The following TTC39C variants were observed in gnomAD, a reference collection of about 807,000 sequenced individuals.
The protein encoded by TTC39C is tetratricopeptide repeat domain 39C.
A neutral mutation model predicts 76.3 loss-of-function variants in TTC39C; 33 were observed. That is an observed-to-expected ratio of 0.43 (90% CI 0.33 to 0.58). The LOEUF (loss-of-function observed/expected upper bound fraction) is 0.58, where lower values mean the gene tolerates loss of function less well. Ranked by LOEUF, TTC39C falls within the 20% of genes least tolerant of loss-of-function variation. TTC39C has a pLI of 0.04. For missense variants in TTC39C, 595 were observed against 701.4 expected, an observed-to-expected ratio of 0.85 and a Z score of 1.71; for synonymous variants, 254 against 260.6, an observed-to-expected ratio of 0.97 and a Z score of 0.24.
intron 1 of TTC39C, chr18:24,022,807 C>T: frequency 2.0e-6 from 2 of 985,384 alleles, no homozygotes; most frequent in African/African-American, 1.7e-5. Flanking sequence ...CTTGTCCCTT[C>T]CATGCTAGTT....
intron 3 of TTC39C, among the ~76,000 whole-genome samples, chr18:24,068,097 T>G (rs973748154): frequency 6.6e-6 from 1 of 152,218 alleles, no homozygotes; most frequent in Non-Finnish European, 1.5e-5. Context: ...GAATGAAAGC[T>G]TATTTACATG....
chr18:23,994,210 A>G (rs1006299968), intron 1 of TTC39C: 3 of 151,156 alleles, frequency 2.0e-5, no homozygotes, highest in African/African-American at 7.3e-5. Context: ...ACAAATAGAT[A>G]TGTTTTCCTC....
intron 1 of TTC39C, among the ~76,000 whole-genome samples, chr18:24,044,440 A>T (rs1006977429): frequency 6.6e-6 from 1 of 152,210 alleles, no homozygotes; most frequent in African/African-American, 2.4e-5. Context: ...GTGGCTGGTC[A>T]AGGACCAGTG....
intron 6 of TTC39C, among the ~76,000 whole-genome samples, chr18:24,107,051 C>T (rs2084752637): frequency 6.6e-6 from 1 of 152,122 alleles, no homozygotes; most frequent in African/African-American, 2.4e-5. Flanking sequence ...GTTTCCGTTT[C>T]TATTCTTTTC....
chr18:24,030,849 T>G (rs2083660302), intron 1 of TTC39C, among the ~76,000 whole-genome samples: 2 of 152,148 alleles, frequency 1.3e-5, no homozygotes, highest in African/African-American at 4.8e-5. Context: ...TTTCGCCATG[T>G]TGGCCAGCCT....
At chr18:24,061,847 T>G (rs980267539) in intron 1 of TTC39C, among the ~76,000 whole-genome samples, 32 of 152,286 alleles carry the variant, frequency 2.1e-4, no homozygotes, top group African/African-American at 7.7e-4. Flanking sequence ...GATGTTGCAG[T>G]GAGCCAAGAT....
intron 7 of TTC39C, among the ~76,000 whole-genome samples, chr18:24,115,793 G>T (rs2084884006): frequency 6.6e-6 from 1 of 152,254 alleles, no homozygotes; most frequent in Non-Finnish European, 1.5e-5. Flanking sequence ...TTAAAAAGAG[G>T]AAATGATGTA....
chr18:24,107,895 G>GGC lies in TTC39C; in HGVS notation c.985-6658_985-6657insCG, dbSNP rs58236332. Among the ~76,000 whole-genome samples, 21 of 151,302 alleles carry GGC rather than the reference G, an allele frequency of 1.4e-4. No individual in the cohort carries two copies. In the South Asian group the frequency reaches 1.5e-3, roughly 11 times the overall value. ...CACCACAGCCTCCCAAGTAGGGGGGGGGGTACAGGCATGTGCCACCAAGCC... is the reference window on the plus strand; with the variant it reads ...CACCACAGCCTCCCAAGTAGGGGGGGGCGGGTACAGGCATGTGCCACCAAGCC... On this transcript the variant is annotated intron_variant, in intron 6 of 13. Transcript: ENST00000317571.
At chr18:24,050,400 T>C (rs979181382) in intron 1 of TTC39C, among the ~76,000 whole-genome samples, 3 of 151,654 alleles carry the variant, frequency 2.0e-5, no homozygotes, top group Admixed American at 6.6e-5. Context: ...CGGAATCCTG[T>C]CTCTACTAAA....
intron 1 of TTC39C, among the ~76,000 whole-genome samples, chr18:24,045,440 T>C (rs935306947): frequency 6.6e-6 from 1 of 152,162 alleles, no homozygotes; most frequent in African/African-American, 2.4e-5. Context: ...TAAAATATTA[T>C]GGCATATTCA....
At chr18:24,083,941 T>G (rs1364414943) in intron 6 of TTC39C, among the ~76,000 whole-genome samples, 1 of 152,186 alleles carries the variant, frequency 6.6e-6, no homozygotes, top group African/African-American at 2.4e-5. Context: ...TGTCCTCCAG[T>G]TAACCAGGCA....
At chr18:24,071,890 T>G (rs182161265) in intron 4 of TTC39C, among the ~76,000 whole-genome samples, 3 of 152,348 alleles carry the variant, frequency 2.0e-5, no homozygotes, top group Admixed American at 1.3e-4. Context: ...TGAAGTCCTA[T>G]GATTTATTGA....
intron 1 of TTC39C, among the ~76,000 whole-genome samples, chr18:24,031,722 A>G (rs765971772): frequency 2.6e-5 from 4 of 152,098 alleles, no homozygotes; most frequent in Non-Finnish European, 5.9e-5. Context: ...TCTCTTCAAC[A>G]TTAATGTCTT....
intron 8 of TTC39C, among the ~76,000 whole-genome samples, chr18:24,121,764 CA>C (rs1012349090): frequency 6.6e-6 from 1 of 152,164 alleles, no homozygotes; most frequent in African/African-American, 2.4e-5. Context: ...AAGCTAGGGA[CA>C]GCAGAAATAT....
intron 12 of TTC39C, among the ~76,000 whole-genome samples, chr18:24,130,785 G>A: frequency 6.6e-6 from 1 of 151,850 alleles, no homozygotes; most frequent in Non-Finnish European, 1.5e-5. Flanking sequence ...TGCTATAATT[G>A]TGTACAGCAT....
Position 24,082,910 on chromosome 18 carries a change from T to C in TTC39C, c.816-3T>C, listed in dbSNP as rs866851778. 11 of 1,584,228 alleles carry C rather than the reference T, an allele frequency of 6.9e-6. 1 individual carries two copies. In the Middle Eastern group the frequency reaches 1.9e-3, roughly 268 times the overall value. ...CTCAATGTTTCTCTCCCTCTTCCTC[T>C]AGATTAGCTCTGCTCTGGTATCATA... On this transcript the variant is annotated splice_polypyrimidine_tract_variant and splice_region_variant and intron_variant, in intron 5 of 13. Coordinates refer to ENST00000317571, the MANE Select transcript of TTC39C (RefSeq NM_001135993.2).
In TTC39C at chr18:24,023,614, CT is replaced by C. The variant is rs201003228; in HGVS notation, c.167+8577del. On this transcript the variant is annotated intron_variant, in intron 1 of 13. Transcript: ENST00000317571. The stretch of plus-strand genomic sequence containing the variant: ...TCCCTTGCAGGGCTCTGGGGTACCC[CT>C]AGGGGGTGGTGCTATGATAATGCTC... Among the ~76,000 whole-genome samples, 664 of 152,044 alleles carry C rather than the reference CT, an allele frequency of 4.4e-3. 4 individuals carry two copies. Among genetic ancestry groups the C allele is most frequent in the African/African-American group, 0.016 (648 of 41,490 alleles).
At chr18:24,026,758 C>A (rs2083604695) in intron 1 of TTC39C, among the ~76,000 whole-genome samples, 1 of 152,178 alleles carries the variant, frequency 6.6e-6, no homozygotes, top group Non-Finnish European at 1.5e-5. Context: ...TCTTAGCACA[C>A]AGATTATTGT....
intron 1 of TTC39C, among the ~76,000 whole-genome samples, chr18:24,023,416 G>T (rs540924557): frequency 2.9e-4 from 44 of 152,300 alleles, no homozygotes; most frequent in South Asian, 1.4e-3. Context: ...AAGGAAAGCT[G>T]GGCCCTAATG....
Sources: gnomAD v4.1 joint callset for allele counts (sites outside exome capture counted in the v4.1 genomes callset) on GRCh38, gnomAD v4.1.1 for gene constraint, MANE v1.5 for transcripts, NCBI Gene and HGNC (gene_info 2026-07-23, HGNC 2026-07-21) for gene names.